The following ATP2B3 variants were observed in gnomAD, a reference collection of about 807,000 sequenced individuals.
The protein encoded by ATP2B3 is plasma membrane calcium-transporting ATPase 3.
A neutral mutation model predicts 70.8 loss-of-function variants in ATP2B3; 12 were observed. The ratio of observed to expected loss-of-function variants is 0.17; its 90% CI spans 0.11 to 0.27. The LOEUF is 0.27. Among genes scored for constraint, ATP2B3 ranks in the 10% least tolerant of loss-of-function variants. The pLI is 1.00. For missense variants in ATP2B3, 858 were observed against 1,118.5 expected (o/e 0.77, Z 3.32); for synonymous variants, 460 against 497.8 (o/e 0.92, Z 1.01).
Position 153,556,049 on chromosome X carries a change from G to T in ATP2B3, c.2059G>T (p.Val687Phe), listed in dbSNP as rs1557013296. 8.2e-7 allele frequency: 1 copy of T among 1,212,213 alleles called. No individual in the cohort carries two copies. The highest frequency in any genetic ancestry group is 1.1e-6 in the Non-Finnish European group (1 of 895,626). ...VGIEDPVRPE[V>F]PEAIRKCQRA... Reference sequence around the variant, plus strand: ...CGCCCACCTCTCTTGTCTCTTCTAGGTCCCTGAAGCTATCCGAAAATGCCA... The same window carrying T: ...CGCCCACCTCTCTTGTCTCTTCTAGTTCCCTGAAGCTATCCGAAAATGCCA... Residue 687 changes from valine (V) to phenylalanine (F), a missense_variant and splice_region_variant, in exon 14 of 22, where the codon GTC (valine) becomes TTC (phenylalanine). Val to Phe is a conservative substitution (Grantham distance 50). This residue lies in a region of ATP2B3 where 242 missense variants were observed against 281.3 expected (regional missense o/e 0.86). Transcript: ENST00000263519.
At chrX:153,565,882 C>T (rs782783773) in intron 21 of ATP2B3, among the ~76,000 whole-genome samples, 57 of 112,837 alleles carry the variant, frequency 5.1e-4, no homozygotes, top group African/African-American at 1.8e-3. Context: ...TCCCTTCCGG[C>T]TCGTGGGGTC....
rs2090929736 is a variant in ATP2B3 at position 153,582,400 on chromosome X, GTCTT to G, written c.*2104_*2107del. The G allele has an allele frequency of 8.9e-6, 1 of 112,751 alleles. No homozygotes were observed. The highest frequency in any genetic ancestry group is 3.2e-5 in the African/African-American group (1 of 30,925). 9.3% of individuals were successfully genotyped at this position (112,751 alleles called of 1,213,427 possible). ...AAAAGGGCAACTCCATTTGTTGAGG[GTCTT>G]TGTGTTCTTCAATGAGAAATCAAAT... is the stretch of plus-strand genomic sequence containing the variant. On this transcript the variant is annotated 3_prime_UTR_variant, in exon 22 of 22. Coordinates refer to ENST00000263519, the MANE Select transcript of ATP2B3 (RefSeq NM_001001344.3).
chrX:153,567,400 A>G (rs1402411689), intron 21 of ATP2B3, among the ~76,000 whole-genome samples: 2 of 112,915 alleles, frequency 1.8e-5, no homozygotes, highest in African/African-American at 6.4e-5. Flanking sequence ...GCTCTTATCT[A>G]TCGTACCCCT....
rs190412992 is a variant in ATP2B3 at position 153,546,929 on chromosome X, G to T, written c.958+800G>T. Among the ~76,000 whole-genome samples, 396 of 112,587 alleles carry T rather than the reference G, an allele frequency of 3.5e-3. 1 individual carries two copies. Among genetic ancestry groups the T allele is most frequent in the African/African-American group, 0.012 (376 of 30,987 alleles). ...AAAGCTGGAGGGGCCCAGCTGGGTG[G>T]GGCAATTGTGTCCTGACGCCACTGG... On this transcript the variant is annotated intron_variant, in intron 8 of 21. Transcript: ENST00000263519.
intron 19 of ATP2B3, 114 bp downstream of exon 19, chrX:153,561,001 G>A: frequency 1.1e-6 from 1 of 887,337 alleles, no homozygotes; most frequent in East Asian, 3.3e-5. Context: ...ACTCCCAGAA[G>A]GAGCCCCACC....
At chrX:153,574,867 T>C in intron 21 of ATP2B3, 2 of 330,961 alleles carry the variant, frequency 6.0e-6, no homozygotes, top group Non-Finnish European at 1.2e-5. Context: ...CCTTCCGCTT[T>C]GGCTCAGTGT....
At chrX:153,565,654 T>C (rs931177852) in intron 21 of ATP2B3, among the ~76,000 whole-genome samples, 4 of 112,489 alleles carry the variant, frequency 3.6e-5, no homozygotes, top group Non-Finnish European at 5.6e-5. Flanking sequence ...GCTGTGTTCC[T>C]CTCTGAAGTC....
At chrX:153,549,916 C>A (rs782749587) in intron 11 of ATP2B3, 129 bp from the exon 12 acceptor site, 289 of 1,099,641 alleles carry the variant, frequency 2.6e-4, no homozygotes, top group Non-Finnish European at 3.4e-4. Context: ...TAAGGCCGAC[C>A]TTCCTCTGCT....
At position 153,569,822 on chromosome X, in the gene ATP2B3, C is replaced by T. The variant is rs1305894148; in HGVS notation, c.3342+4719C>T. The T allele has an allele frequency of 1.0e-4, 119 of 1,133,531 alleles. 2 individuals carry two copies. The highest frequency in any genetic ancestry group is 3.8e-4 in the South Asian group (20 of 51,996). The allele number at this position is 1,133,531 out of a possible 1,213,427, so 93.4% of individuals were successfully genotyped here. On this transcript the variant is annotated intron_variant, in intron 21 of 21. Coordinates refer to ENST00000263519, the MANE Select transcript of ATP2B3 (RefSeq NM_001001344.3). ...TGGGGAAGAATAAGCCTCCCCAGCTCGGCCTTCTCTCTTTTGCAGTCTTGC... is the reference window on the plus strand; with the variant it reads ...TGGGGAAGAATAAGCCTCCCCAGCTTGGCCTTCTCTCTTTTGCAGTCTTGC...
chrX:153,562,871 G>A (rs868912698), intron 20 of ATP2B3, among the ~76,000 whole-genome samples: 140 of 112,589 alleles, frequency 1.2e-3, no homozygotes, highest in African/African-American at 4.2e-3. Context: ...AGGCCAGGGA[G>A]CCAGCGGGGC....
intron 15 of ATP2B3, among the ~76,000 whole-genome samples, chrX:153,556,674 C>T (rs1335098821): frequency 8.9e-6 from 1 of 112,286 alleles, no homozygotes; most frequent in Non-Finnish European, 1.9e-5. Flanking sequence ...GGATTGTGTC[C>T]CCAGGCCCTA....
chrX:153,568,703 T>A (rs1350668835), intron 21 of ATP2B3, among the ~76,000 whole-genome samples: 1 of 112,050 alleles, frequency 8.9e-6, no homozygotes, highest in African/African-American at 3.2e-5. Flanking sequence ...TGAAGTGGCG[T>A]ACATCCTCAT....
chrX:153,558,422 T>C lies in ATP2B3; in HGVS notation c.2625+119T>C. ...CAGATTATTTTAATTGAGATCAAAT[T>C]CATATGCCAAAAATTCACCATTTTC... is the stretch of plus-strand genomic sequence containing the variant. On this transcript the variant is annotated intron_variant, in intron 17 of 21. Transcript: ENST00000263519. 7 of 756,306 alleles carry C rather than the reference T, an allele frequency of 9.3e-6. 1 individual carries two copies. The highest frequency in any genetic ancestry group is 1.3e-5 in the Non-Finnish European group (7 of 535,918). 62.3% of individuals were successfully genotyped at this position (756,306 alleles called of 1,213,427 possible). A position where few individuals can be genotyped will look rare whatever the true frequency, so the allele number is the denominator to read the frequency against.
intron 12 of ATP2B3, among the ~76,000 whole-genome samples, chrX:153,552,499 G>A (rs998167363): frequency 1.2e-4 from 13 of 112,102 alleles, no homozygotes; most frequent in African/African-American, 4.2e-4. Flanking sequence ...AGCTCCTGGA[G>A]TCATGAGCGC....
rs1389593673 is a variant in ATP2B3 at position 153,549,915 on chromosome X, C to A, written c.1582-130C>A. 4.6e-6 allele frequency: 5 copies of A among 1,097,423 alleles called. No individual in the cohort carries two copies. The African/African-American group carries it at 7.3e-5, about 16-fold the overall frequency. 90.4% of individuals were successfully genotyped at this position (1,097,423 alleles called of 1,213,427 possible). Reference sequence around the variant, plus strand: ...GGAAACTGCCTGTAGCTAAGGCCGACCTTCCTCTGCTCCCTGCCGCCCACA... The same window carrying A: ...GGAAACTGCCTGTAGCTAAGGCCGAACTTCCTCTGCTCCCTGCCGCCCACA... On this transcript the variant is annotated intron_variant, in intron 11 of 21. Transcript: ENST00000263519.
Position 153,549,686 on chromosome X carries a change from G to A in ATP2B3, c.1528G>A (p.Asp510Asn), listed in dbSNP as rs782427304. The A allele has an allele frequency of 1.2e-5, 14 of 1,211,669 alleles. No homozygotes were observed. The highest frequency in any genetic ancestry group is 3.5e-5 in the African/African-American group (2 of 57,764). ...CAGCGCCCTGACCCCTAAGATCCTC[G>A]ACCTCCTGGTCCATGCCATCTCCAT... ...APSALTPKIL[D>N]LLVHAISINS... The change falls in exon 11 of 22, where the codon GAC becomes AAC. Residue 510 changes from aspartate to asparagine, a missense_variant. Physicochemically the swap from Asp to Asn is conservative, Grantham distance 23 (BLOSUM62 1). This residue lies in a region of ATP2B3 where 242 missense variants were observed against 281.3 expected (regional missense o/e 0.86). Coordinates refer to ENST00000263519, the MANE Select transcript of ATP2B3 (RefSeq NM_001001344.3).
At chrX:153,565,209 G>A (rs1339144601) in intron 21 of ATP2B3, 106 bp downstream of exon 21, 1 of 989,192 alleles carries the variant, frequency 1.0e-6, no homozygotes, top group Non-Finnish European at 1.4e-6. Flanking sequence ...CACCCACAGG[G>A]AAACCCTTTG....
intron 2 of ATP2B3, among the ~76,000 whole-genome samples, chrX:153,529,028 C>G (rs1478013615): frequency 1.8e-5 from 2 of 112,506 alleles, no homozygotes; most frequent in Non-Finnish European, 3.8e-5. Flanking sequence ...TAGCAAGTTT[C>G]TGCCACACAC....
intron 2 of ATP2B3, among the ~76,000 whole-genome samples, 142 bp downstream of exon 2, chrX:153,518,693 G>A (rs1414206076): frequency 9.0e-6 from 1 of 111,143 alleles, no homozygotes; most frequent in Non-Finnish European, 1.9e-5. Flanking sequence ...CATGGCGCCG[G>A]GGCAGGTCAG....
Sources: allele counts gnomAD v4.1 joint callset (sites outside exome capture counted in the v4.1 genomes callset), GRCh38; gene constraint gnomAD v4.1.1; regional missense constraint gnomAD v4.1.1; transcripts MANE v1.5; gene names NCBI Gene and HGNC (gene_info 2026-07-23, HGNC 2026-07-21).